KIAA0232: variants seen among roughly 807,000 people sequenced by gnomAD.
The protein encoded by KIAA0232 is uncharacterized protein KIAA0232.
A neutral mutation model predicts 122.0 loss-of-function variants in KIAA0232; 27 were observed. The ratio of observed to expected loss-of-function variants is 0.22; its 90% confidence interval spans 0.16 to 0.31. KIAA0232 has a LOEUF of 0.31. Ranked by LOEUF, KIAA0232 falls within the 10% of genes least tolerant of loss-of-function variation. The probability of loss-of-function intolerance (pLI) is 1.00; values close to 1 mark genes in which losing one functional copy is unlikely to be tolerated. For missense variants in KIAA0232, 1,551 were observed against 1,634.2 expected (o/e 0.95, Z 0.88); for synonymous variants, 613 against 587.6 (o/e 1.04, Z -0.63).
intron 3 of KIAA0232, among the ~76,000 whole-genome samples, chr4:6,835,526 G>A (rs1055351297): frequency 9.2e-5 from 14 of 152,236 alleles, no homozygotes; most frequent in Admixed American, 3.3e-4. Flanking sequence ...GTGCAGGTTC[G>A]TTACATAGGT....
rs1402015101 is a variant in KIAA0232, at chr4:6,883,592, C to T, written c.*2626C>T. 2.0e-5 allele frequency: 3 copies of T among 152,162 alleles called. No individual in the cohort carries two copies. The highest frequency in any genetic ancestry group is 7.2e-5 in the African/African-American group (3 of 41,430). 9.4% of individuals were successfully genotyped at this position (152,162 alleles called of 1,614,324 possible). ...ATCAGCGGCTCCTCCCCATCTCACC[C>T]CCAGCACACGCAGGGACTACTACCT... On this transcript the variant is annotated 3_prime_UTR_variant, in exon 10 of 10. Transcript: ENST00000307659.
At position 6,790,041 on chromosome 4, in the gene KIAA0232, A is replaced by G. The variant is rs541489668; in HGVS notation, c.-354+7200A>G. On this transcript the variant is annotated intron_variant, in intron 1 of 9. Coordinates refer to ENST00000307659, the MANE Select transcript of KIAA0232 (RefSeq NM_014743.3). The stretch of plus-strand genomic sequence containing the variant: ...GAGACCCTGTCTCAAGAAAAAAAAA[A>G]GAGTGGAAAATAGAAATTGTCAAAG... Among the ~76,000 whole-genome samples the G allele has an allele frequency of 3.9e-5, 6 of 152,258 alleles. No individual in the cohort carries two copies. The East Asian group carries it at 1.2e-3, about 29-fold the overall frequency.
chr4:6,824,508 A>C lies in KIAA0232; in HGVS notation c.55A>C (p.Ser19Arg). The C allele has an allele frequency of 6.2e-7, 1 of 1,614,166 alleles. No individual in the cohort carries two copies. Among genetic ancestry groups the C allele is most frequent in the East Asian group, 2.2e-5 (1 of 44,878 alleles). ...TGGTTTGCCATCTGAAAGCTCCTCA[A>C]GTTCTTATCCAGGCCCTGTGTCTGT... ...VDGLPSESSS[S>R]SYPGPVSVSE... is the part of the protein sequence containing the mutation. The change falls in exon 3 of 10, where the codon AGT becomes CGT. Residue 19 changes from serine to arginine, a missense_variant. Ser to Arg is a moderately radical substitution (Grantham distance 110). Transcript: ENST00000307659.
At chr4:6,867,165 C>A (rs1395635906) in intron 7 of KIAA0232, among the ~76,000 whole-genome samples, 2 of 152,108 alleles carry the variant, frequency 1.3e-5, no homozygotes, top group East Asian at 3.8e-4. Flanking sequence ...CTAGTCAGTT[C>A]TTTATGTTTT....
intron 9 of KIAA0232, among the ~76,000 whole-genome samples, chr4:6,878,862 A>G (rs945878001): frequency 1.3e-5 from 2 of 152,168 alleles, no homozygotes; most frequent in African/African-American, 4.8e-5. Flanking sequence ...ATCATCGTCC[A>G]CGTCCTGCTG....
At chr4:6,819,286 A>G (rs900839020) in intron 2 of KIAA0232, among the ~76,000 whole-genome samples, 1 of 152,186 alleles carries the variant, frequency 6.6e-6, no homozygotes, top group African/African-American at 2.4e-5. Context: ...TAAACGGTGT[A>G]CAGTATTAAT....
intron 5 of KIAA0232, 95 bp from the exon 6 acceptor site, chr4:6,858,330 A>C (rs546323018): frequency 1.4e-6 from 1 of 699,172 alleles, no homozygotes; most frequent in South Asian, 2.1e-5. Context: ...CAAAGTCTCT[A>C]TTTCTTGTTA....
intron 4 of KIAA0232, among the ~76,000 whole-genome samples, chr4:6,845,388 G>T (rs1719897090): frequency 6.6e-6 from 1 of 152,068 alleles, no homozygotes; most frequent in Non-Finnish European, 1.5e-5. Flanking sequence ...CAGGGACAGG[G>T]TCTCCCTGTG....
chr4:6,857,301 T>A (rs1254628806), intron 5 of KIAA0232, 71 bp downstream of exon 5: 26 of 1,337,836 alleles, frequency 1.9e-5, no homozygotes, highest in East Asian at 4.9e-5. Context: ...GGGGAAAATC[T>A]TAGAATTGAT....
intron 3 of KIAA0232, among the ~76,000 whole-genome samples, chr4:6,829,333 T>C (rs1718852015): frequency 6.6e-6 from 1 of 152,214 alleles, no homozygotes; most frequent in African/African-American, 2.4e-5. Context: ...CTCCTTGTAA[T>C]GAATAAGCGA....
Position 6,863,350 on chromosome 4 carries a change from T to A in KIAA0232, c.2968T>A (p.Trp990Arg). Residue 990 changes from tryptophan (W) to arginine (R), a missense_variant, in exon 7 of 10, where the codon TGG (tryptophan) becomes AGG (arginine). This residue lies in a region of KIAA0232 where 1,108 missense variants were observed against 1,154.8 expected (regional missense o/e 0.96). Transcript: ENST00000307659. Reference protein sequence around the residue: ...NSFAPGHRQLWKPFVSFEQND... With the variant: ...NSFAPGHRQLRKPFVSFEQND... ...TTTTGCTCCTGGGCACAGGCAGTTATGGAAACCCTTCGTGTCATTTGAACA... is the reference window on the plus strand; with the variant it reads ...TTTTGCTCCTGGGCACAGGCAGTTAAGGAAACCCTTCGTGTCATTTGAACA... 6.2e-7 allele frequency: 1 copy of A among 1,614,184 alleles called. No individual in the cohort carries two copies. Among genetic ancestry groups the A allele is most frequent in the South Asian group, 1.1e-5 (1 of 91,084 alleles).
intron 8 of KIAA0232, among the ~76,000 whole-genome samples, chr4:6,873,327 A>C (rs1036312751): frequency 2.1e-4 from 32 of 152,202 alleles, no homozygotes; most frequent in Non-Finnish European, 1.5e-4. Flanking sequence ...ACTTGGTACC[A>C]AGGTAGATGC....
In KIAA0232 at chr4:6,878,306, T is replaced by C. The variant is rs62291081; in HGVS notation, c.4008+1549T>C. Among the ~76,000 whole-genome samples, 750 of 152,082 alleles carry C rather than the reference T, an allele frequency of 4.9e-3. 6 individuals are homozygous for C. Among genetic ancestry groups the C allele is most frequent in the Non-Finnish European group, 6.7e-3 (458 of 68,006 alleles). ...TGGAGAATTGCTTGAACCCAGGAGG[T>C]AGAGATTGCAGTGAGCTGAGATCGC... is the stretch of plus-strand genomic sequence containing the variant. On this transcript the variant is annotated intron_variant, in intron 9 of 9. Transcript: ENST00000307659.
chr4:6,871,476 A>C (rs146172599), intron 7 of KIAA0232, 98 bp from the exon 8 acceptor site: 407 of 698,908 alleles, frequency 5.8e-4, no homozygotes, highest in Non-Finnish European at 8.7e-4. Flanking sequence ...CCAGTTTAAA[A>C]GTTCTGGGTT....
At chr4:6,818,460 A>G (rs1476655145) in intron 2 of KIAA0232, among the ~76,000 whole-genome samples, 2 of 149,428 alleles carry the variant, frequency 1.3e-5, no homozygotes, top group African/African-American at 4.9e-5. Context: ...TGATTCCTTC[A>G]AGAGAGAACA....
rs770618483 is a variant in KIAA0232, at chr4:6,829,126, A to G, written c.231+4442A>G. The stretch of plus-strand genomic sequence containing the variant: ...TTGGAGAGTCCAGGCCAGTTTTGCA[A>G]AACATCCCTTAATTTGGGTTTTTCG... On this transcript the variant is annotated intron_variant, in intron 3 of 9. Coordinates refer to ENST00000307659, the MANE Select transcript of KIAA0232 (RefSeq NM_014743.3). 3.9e-5 allele frequency among the ~76,000 whole-genome samples: 6 copies of G among 152,112 alleles called. No homozygotes were observed. The South Asian group carries it at 6.2e-4, about 16-fold the overall frequency.
At chr4:6,831,097 CCAGGCTGGAATG>C (rs1261205908) in intron 3 of KIAA0232, among the ~76,000 whole-genome samples, 2 of 151,914 alleles carry the variant, frequency 1.3e-5, no homozygotes, top group African/African-American at 4.8e-5. Context: ...GCCCTGTCGC[CCAGGCTGGAATG>C]CAGTGGTGCG....
At chr4:6,829,163 G>A (rs145377737) in intron 3 of KIAA0232, among the ~76,000 whole-genome samples, 1 of 151,898 alleles carries the variant, frequency 6.6e-6, no homozygotes, top group African/African-American at 2.4e-5. Flanking sequence ...ATATTTCCTC[G>A]TATCTTTAGA....
At chr4:6,811,388 C>T (rs1717868711) in intron 2 of KIAA0232, among the ~76,000 whole-genome samples, 1 of 152,094 alleles carries the variant, frequency 6.6e-6, no homozygotes, top group Non-Finnish European at 1.5e-5. Context: ...TTGCGTAAAC[C>T]CTGACTTAAT....
Sources: allele counts gnomAD v4.1 joint callset (sites outside exome capture counted in the v4.1 genomes callset), GRCh38; gene constraint gnomAD v4.1.1; regional missense constraint gnomAD v4.1.1; transcripts MANE v1.5; gene names NCBI Gene and HGNC (gene_info 2026-07-23, HGNC 2026-07-21).